ZNF407: variants seen among roughly 807,000 people sequenced by gnomAD.
ZNF407 encodes zinc finger protein 407.
In ZNF407, 17 loss-of-function variants were observed where a neutral mutation model predicts 131.2. The ratio of observed to expected loss-of-function variants is 0.13; its 90% CI spans 0.09 to 0.19. The LOEUF (loss-of-function observed/expected upper bound fraction) is 0.19, where lower values mean the gene tolerates loss of function less well. Ranked by LOEUF, ZNF407 falls within the 10% of genes least tolerant of loss-of-function variation. The pLI is 1.00. For missense variants in ZNF407, 2,681 were observed against 2,830.6 expected (o/e 0.95, Z 1.20); for synonymous variants, 1,156 against 1,062.0 (o/e 1.09, Z -1.72).
At chr18:74,827,193 G>A (rs894001896) in intron 4 of ZNF407, among the ~76,000 whole-genome samples, 4 of 152,090 alleles carry the variant, frequency 2.6e-5, no homozygotes, top group Non-Finnish European at 2.9e-5. Flanking sequence ...TGTTAGACCC[G>A]GAGTATGTAT....
intron 8 of ZNF407, among the ~76,000 whole-genome samples, chr18:74,936,639 G>C (rs537826992): frequency 6.6e-6 from 1 of 152,240 alleles, no homozygotes; most frequent in African/African-American, 2.4e-5. Context: ...GCCGCAGGTA[G>C]GATCTTTGAC....
At chr18:74,945,090 G>C (rs1325503413) in intron 8 of ZNF407, among the ~76,000 whole-genome samples, 2 of 152,168 alleles carry the variant, frequency 1.3e-5, no homozygotes, top group African/African-American at 4.8e-5. Flanking sequence ...TAACAGGTGA[G>C]ATAAGACAGT....
intron 4 of ZNF407, among the ~76,000 whole-genome samples, chr18:74,833,894 A>G (rs1970520080): frequency 6.6e-6 from 1 of 152,076 alleles, no homozygotes; most frequent in Non-Finnish European, 1.5e-5. Context: ...GTAGGATCTC[A>G]TATTCCTTTT....
chr18:74,632,852 C>A lies in ZNF407; in HGVS notation c.1833C>A (p.His611Gln). 6.2e-7 allele frequency: 1 copy of A among 1,613,572 alleles called. No individual in the cohort carries two copies. The highest frequency in any genetic ancestry group is 1.1e-5 in the South Asian group (1 of 91,068). Residue 611 changes from histidine (H) to glutamine (Q), a missense_variant, in exon 2 of 9, where the codon CAC becomes CAA. Physicochemically the swap from His to Gln is conservative, Grantham distance 24 (BLOSUM62 0). This residue lies in a region of ZNF407 where 1,789 missense variants were observed against 1,748.7 expected (regional missense o/e 1.02). Transcript: ENST00000299687. Reference protein sequence around the residue: ...INLRDHMKEKHNMHFLCTPCN... With the variant: ...INLRDHMKEKQNMHFLCTPCN... ...TTAGAGACCACATGAAGGAAAAGCA[C>A]AATATGCATTTTCTTTGCACCCCTT...
At position 74,798,039 on chromosome 18, in the gene ZNF407, C is replaced by T. The variant is rs539317923; in HGVS notation, c.4877+16537C>T. ...CACTAATGCTGGGGAAAGGCGCAAA[C>T]GCATTTAAATTTTTTTAACCTTTAA... is the stretch of plus-strand genomic sequence containing the variant. On this transcript the variant is annotated intron_variant, in intron 4 of 8. Coordinates refer to ENST00000299687, the MANE Select transcript of ZNF407 (RefSeq NM_017757.3). 2.1e-3 allele frequency among the ~76,000 whole-genome samples: 320 copies of T among 152,122 alleles called. 1 individual carries two copies. The highest frequency in any genetic ancestry group is 3.4e-3 in the Admixed American group (52 of 15,268).
At chr18:75,024,101 TTTTG>T (rs1430916211) in intron 8 of ZNF407, among the ~76,000 whole-genome samples, 1 of 152,152 alleles carries the variant, frequency 6.6e-6, no homozygotes, top group African/African-American at 2.4e-5. Context: ...GAAACTAAGA[TTTTG>T]TTTGTAGACT....
At chr18:74,617,096 A>ACACACATCCATATCCACACACCAC (rs1352602380) in intron 1 of ZNF407, among the ~76,000 whole-genome samples, 3 of 24,240 alleles carry the variant, frequency 1.2e-4, no homozygotes, top group South Asian at 1.2e-3. Flanking sequence ...TCCATGCACC[A>ACACACATCCATATCCACACACCAC]ACACATCCAT....
intron 8 of ZNF407, among the ~76,000 whole-genome samples, chr18:75,031,283 G>A (rs1372116146): frequency 1.3e-5 from 2 of 152,174 alleles, no homozygotes; most frequent in African/African-American, 2.4e-5. Context: ...ATAATGCAAT[G>A]AGGTAATAGA....
intron 3 of ZNF407, among the ~76,000 whole-genome samples, chr18:74,687,653 T>G (rs373949852): frequency 6.6e-6 from 1 of 152,228 alleles, no homozygotes; most frequent in South Asian, 2.1e-4. Context: ...TAAATTAATA[T>G]CTATATGTCT....
At chr18:74,974,840 T>C (rs1185675953) in intron 8 of ZNF407, among the ~76,000 whole-genome samples, 3 of 152,190 alleles carry the variant, frequency 2.0e-5, no homozygotes, top group African/African-American at 7.2e-5. Context: ...ACAGTACATA[T>C]AGTGACAATT....
chr18:74,646,419 T>C (rs1599038303), intron 3 of ZNF407, among the ~76,000 whole-genome samples: 1 of 152,182 alleles, frequency 6.6e-6, no homozygotes, highest in East Asian at 1.9e-4. Flanking sequence ...TTGTAAAAAA[T>C]ATTTAGATTA....
intron 3 of ZNF407, among the ~76,000 whole-genome samples, chr18:74,774,416 A>C (rs148550692): frequency 6.6e-5 from 10 of 152,224 alleles, no homozygotes; most frequent in Admixed American, 2.0e-4. Flanking sequence ...ACTTAATTAC[A>C]AATGGCAAGT....
chr18:74,691,836 G>A (rs1428641619), intron 3 of ZNF407, among the ~76,000 whole-genome samples: 1 of 152,148 alleles, frequency 6.6e-6, no homozygotes, highest in Non-Finnish European at 1.5e-5. Flanking sequence ...GCTCACGCCT[G>A]TAATCCCAGC....
chr18:74,816,663 C>T (rs1970271383), intron 4 of ZNF407, among the ~76,000 whole-genome samples: 1 of 152,136 alleles, frequency 6.6e-6, no homozygotes, highest in Admixed American at 6.5e-5. Context: ...TGACATTTGT[C>T]ATTTAAATTG....
chr18:74,698,702 G>A (rs1051335774), intron 3 of ZNF407, among the ~76,000 whole-genome samples: 4 of 152,198 alleles, frequency 2.6e-5, no homozygotes, highest in Non-Finnish European at 5.9e-5. Context: ...TTTTAGTAGA[G>A]AAAGATGTAA....
chr18:74,945,925 A>C (rs1972149072), intron 8 of ZNF407, among the ~76,000 whole-genome samples: 1 of 152,114 alleles, frequency 6.6e-6, no homozygotes, highest in East Asian at 1.9e-4. Flanking sequence ...TTCACTGATC[A>C]CCCTTAAAAC....
intron 3 of ZNF407, among the ~76,000 whole-genome samples, chr18:74,738,061 C>T (rs778795706): frequency 8.6e-5 from 13 of 151,910 alleles, no homozygotes; most frequent in Non-Finnish European, 1.9e-4. Context: ...ATTTAAAAAC[C>T]AAATACTGTA....
At chr18:74,656,001 A>G (rs1171586003) in intron 3 of ZNF407, among the ~76,000 whole-genome samples, 2 of 152,108 alleles carry the variant, frequency 1.3e-5, no homozygotes, top group African/African-American at 4.8e-5. Context: ...TTCTAGGAGA[A>G]TTTTATATTT....
chr18:74,832,022 G>A (rs888930904), intron 4 of ZNF407, among the ~76,000 whole-genome samples: 12 of 152,156 alleles, frequency 7.9e-5, no homozygotes, highest in African/African-American at 1.4e-4. Flanking sequence ...AAGCCTTGGC[G>A]CTGTGAAAAT....
Sources: gnomAD v4.1 joint callset for allele counts (sites outside exome capture counted in the v4.1 genomes callset) on GRCh38, gnomAD v4.1.1 for gene constraint, gnomAD v4.1.1 regional missense constraint, MANE v1.5 for transcripts, NCBI Gene and HGNC (gene_info 2026-07-23, HGNC 2026-07-21) for gene names.